RASA2: variants seen among roughly 807,000 people sequenced by gnomAD.
RASA2 encodes the protein ras GTPase-activating protein 2.
Under a neutral mutation model 118.2 loss-of-function variants are expected in RASA2, and 155 were observed. The observed-to-expected ratio is 1.31, with a 90% CI of 1.15 to 1.50. The LOEUF is 1.50. RASA2 is among the 40% of genes most tolerant of loss of function. The pLI, the probability that RASA2 is intolerant of heterozygous loss-of-function variation, is 0.00. For synonymous variants in RASA2, 353 were observed against 349.1 expected, an observed-to-expected ratio of 1.01 and a Z score of -0.12; for missense variants, 1,016 against 1,009.6, an observed-to-expected ratio of 1.01 and a Z score of -0.09.
At chr3:141,537,028 T>C (rs1296625121) in intron 4 of RASA2, among the ~76,000 whole-genome samples, 5 of 152,364 alleles carry the variant, frequency 3.3e-5, no homozygotes, top group Non-Finnish European at 7.3e-5. Flanking sequence ...ATTACAGGCA[T>C]GAGCCACTGC....
chr3:141,518,319 C>A (rs1021124619), intron 3 of RASA2, among the ~76,000 whole-genome samples: 8 of 151,026 alleles, frequency 5.3e-5, no homozygotes, highest in African/African-American at 1.9e-4. Context: ...ACTGTCTCTA[C>A]TAAAAATACA....
Position 141,516,436 on chromosome 3 carries a change from G to GT in RASA2, c.355+6dup, listed in dbSNP as rs759294136. ...TACAAAGAGATCTCCGTATAGGTAT[G>GT]TACTATTCATAATTATCTTTAATCA... On this transcript the variant is annotated splice_donor_region_variant and intron_variant, in intron 3 of 23. Coordinates refer to ENST00000286364, the MANE Select transcript of RASA2 (RefSeq NM_006506.5). 8 of 1,437,730 alleles carry GT rather than the reference G, an allele frequency of 5.6e-6. No individual in the cohort carries two copies. Among genetic ancestry groups the GT allele is most frequent in the Middle Eastern group, 1.9e-4 (1 of 5,360 alleles). 89.1% of individuals were successfully genotyped at this position (1,437,730 alleles called of 1,614,324 possible). A position where few individuals can be genotyped will look rare whatever the true frequency, so the allele number is the denominator to read the frequency against.
At chr3:141,561,825 T>G (rs760655407) in intron 9 of RASA2, among the ~76,000 whole-genome samples, 6 of 152,238 alleles carry the variant, frequency 3.9e-5, no homozygotes, top group Non-Finnish European at 5.9e-5. Flanking sequence ...TAAAATGAAT[T>G]ACTGGGTTTT....
In RASA2 at chr3:141,553,915, A is replaced by G. The variant is rs2082610179; in HGVS notation, c.586A>G (p.Thr196Ala). 11 of 1,612,662 alleles carry G rather than the reference A, an allele frequency of 6.8e-6. No individual in the cohort carries two copies. Among genetic ancestry groups the G allele is most frequent in the East Asian group, 2.2e-5 (1 of 44,790 alleles). ...TGGCCAAAGCTGTGACCCTTATGCA[A>G]CAGTTTCTCTAGTGGGCCCTTCTAG... Reference protein sequence around the residue: ...INGQSCDPYATVSLVGPSRND... With the variant: ...INGQSCDPYAAVSLVGPSRND... The change falls in exon 6 of 24, where the codon ACA (threonine) becomes GCA (alanine). Residue 196 changes from threonine to alanine, a missense_variant. Physicochemically the swap from Thr to Ala is moderately conservative, Grantham distance 58. Transcript: ENST00000286364.
chr3:141,514,543 A>G (rs1206587044), intron 2 of RASA2, among the ~76,000 whole-genome samples: 2 of 152,216 alleles, frequency 1.3e-5, no homozygotes, highest in Non-Finnish European at 2.9e-5. Context: ...AGCTAAAGTT[A>G]AAGGCTGTCA....
chr3:141,534,587 T>C (rs143555979), intron 4 of RASA2, among the ~76,000 whole-genome samples: 16 of 134,778 alleles, frequency 1.2e-4, no homozygotes, highest in African/African-American at 4.6e-4. Flanking sequence ...GATTGTTTTA[T>C]AGGTGTTTTT....
At chr3:141,525,875 G>A (rs1354776850) in intron 3 of RASA2, 1 of 151,968 alleles carries the variant, frequency 6.6e-6, no homozygotes, top group African/African-American at 2.4e-5. Flanking sequence ...CAATCTTTGG[G>A]ACTATTAGAG....
chr3:141,506,489 C>G (rs1213335943), intron 1 of RASA2, among the ~76,000 whole-genome samples: 1 of 152,174 alleles, frequency 6.6e-6, no homozygotes, highest in Non-Finnish European at 1.5e-5. Flanking sequence ...TGTGTCATAT[C>G]TTAGCAATAT....
chr3:141,521,668 T>G (rs1025057602), intron 3 of RASA2, among the ~76,000 whole-genome samples: 1 of 152,140 alleles, frequency 6.6e-6, no homozygotes, highest in Non-Finnish European at 1.5e-5. Flanking sequence ...TAGGGAGTGG[T>G]GTCAGAAAGC....
At chr3:141,520,933 A>T (rs979128420) in intron 3 of RASA2, among the ~76,000 whole-genome samples, 2 of 152,170 alleles carry the variant, frequency 1.3e-5, no homozygotes, top group Admixed American at 6.5e-5. Context: ...CAAATAGGGC[A>T]TAGGGACCAA....
In RASA2 at chr3:141,610,064, C is replaced by T. The variant is rs377008766; in HGVS notation, c.2517C>T (p.Ser839=). ...KKRSSSAKYG[S]KENPIVGKAS ...GATCCAGTAGTGCAAAATATGGGAG[C>T]AAGTGAGTAATTTTTAAGCTATTGT... The change falls in exon 23 of 24, where the codon AGC becomes AGT. Residue 839 remains serine, a splice_region_variant and synonymous_variant. Transcript: ENST00000286364. The T allele has an allele frequency of 1.3e-6, 2 of 1,568,624 alleles. No individual in the cohort carries two copies. Among genetic ancestry groups the T allele is most frequent in the Admixed American group, 1.9e-5 (1 of 53,316 alleles).
At chr3:141,558,005 A>G (rs1237193921) in intron 7 of RASA2, among the ~76,000 whole-genome samples, 1 of 152,198 alleles carries the variant, frequency 6.6e-6, no homozygotes, top group Non-Finnish European at 1.5e-5. Context: ...TTATTGACCA[A>G]CACTCAAGGT....
rs1223999380 is a variant in RASA2 at position 141,580,068 on chromosome 3, AG to A, written c.1591-299del. 0.15 allele frequency among the ~76,000 whole-genome samples: 11,931 copies of A among 79,752 alleles called. 1,635 individuals carry two copies. The highest frequency in any genetic ancestry group is 0.33 in the African/African-American group (5,970 of 17,892). The allele number at this position is 79,752 out of a possible 152,430, so 52.3% of individuals were successfully genotyped here. A position where few individuals can be genotyped will look rare whatever the true frequency, so the allele number is the denominator to read the frequency against. ...GAGACTCCATCTCAGGAAAAAAAAAAGAAAAAAAAAAAAAAAAATATATATA... is the reference window on the plus strand; with the variant it reads ...GAGACTCCATCTCAGGAAAAAAAAAAAAAAAAAAAAAAAAAAATATATATA... On this transcript the variant is annotated intron_variant, in intron 15 of 23. Coordinates refer to ENST00000286364, the MANE Select transcript of RASA2 (RefSeq NM_006506.5).
intron 1 of RASA2, among the ~76,000 whole-genome samples, chr3:141,503,631 C>G (rs778488125): frequency 3.3e-5 from 5 of 152,172 alleles, no homozygotes; most frequent in Non-Finnish European, 7.4e-5. Flanking sequence ...CTTCCTTGAG[C>G]TACCTCATTT....
chr3:141,573,917 T>A (rs2082964760), intron 13 of RASA2, 27 bp from the exon 14 acceptor site: 1 of 1,555,762 alleles, frequency 6.4e-7, no homozygotes, highest in Non-Finnish European at 8.7e-7. Flanking sequence ...ATCAAAATCT[T>A]AATGTTTACC....
intron 4 of RASA2, among the ~76,000 whole-genome samples, chr3:141,531,308 C>G (rs1260265617): frequency 6.6e-6 from 1 of 151,598 alleles, no homozygotes; most frequent in Non-Finnish European, 1.5e-5. Flanking sequence ...TTTAAGAGTT[C>G]CAGCTCTCAA....
At chr3:141,509,866 C>G (rs2081923927) in intron 1 of RASA2, among the ~76,000 whole-genome samples, 1 of 152,148 alleles carries the variant, frequency 6.6e-6, no homozygotes, top group African/African-American at 2.4e-5. Context: ...TAAGGACTAA[C>G]CCATTTTAGG....
chr3:141,587,713 C>CA (rs1156964232), intron 19 of RASA2, among the ~76,000 whole-genome samples: 10,082 of 54,762 alleles, frequency 0.18, 673 homozygotes, highest in East Asian at 0.35. Context: ...GACTCCATCT[C>CA]AAAAAAAAAA....
At chr3:141,517,916 A>G (rs1196033903) in intron 3 of RASA2, among the ~76,000 whole-genome samples, 2 of 151,862 alleles carry the variant, frequency 1.3e-5, no homozygotes, top group Non-Finnish European at 2.9e-5. Context: ...CGGCCTCCCA[A>G]AGTGCTGGGA....
Sources: allele counts gnomAD v4.1 joint callset (sites outside exome capture counted in the v4.1 genomes callset), GRCh38; gene constraint gnomAD v4.1.1; transcripts MANE v1.5; gene names NCBI Gene and HGNC (gene_info 2026-07-23, HGNC 2026-07-21).